Variants in MADD observed in about 807,000 individuals in gnomAD.
MADD encodes the protein MAP kinase activating death domain.
Under a neutral mutation model 176.7 loss-of-function variants are expected in MADD, and 109 were observed. The observed-to-expected ratio is 0.62, with a 90% CI of 0.53 to 0.72. The LOEUF is 0.72. Ranked by LOEUF, MADD falls within the 30% of genes least tolerant of loss-of-function variation. The pLI, the probability that MADD is intolerant of heterozygous loss-of-function variation, is 0.00. For missense variants in MADD, 1,914 were observed against 2,045.5 expected, an observed-to-expected ratio of 0.94 and a Z score of 1.24; for synonymous variants, 771 against 771.3, an observed-to-expected ratio of 1.00 and a Z score of 0.01.
In MADD at chr11:47,278,254, G is replaced by A; in HGVS notation, c.1185G>A (p.Trp395Ter). The stretch of plus-strand genomic sequence containing the variant: ...ACTTCAAAATGCCTGATGATGTATG[G>A]CTAGTGGATCTGGACAGCAATAGGG... The change falls in exon 6 of 33, where the codon TGG becomes TGA. Residue 395 changes from tryptophan to a stop codon, truncating the protein, a stop_gained. Coordinates refer to ENST00000402192, the Ensembl canonical transcript of MADD. LOFTEE classifies it high-confidence loss of function. 4 of 1,613,930 alleles carry A rather than the reference G, an allele frequency of 2.5e-6. No individual in the cohort carries two copies. The highest frequency in any genetic ancestry group is 3.4e-6 in the Non-Finnish European group (4 of 1,179,840).
Position 47,325,975 on chromosome 11 carries a change from G to A in MADD, c.4543-763G>A, listed in dbSNP as rs939264103. ...CCCCTATTCTGCCACACAGTGTTCAGTTGGAGTGGAGGAGGCAGCAGACCT... is the reference window on the plus strand; with the variant it reads ...CCCCTATTCTGCCACACAGTGTTCAATTGGAGTGGAGGAGGCAGCAGACCT... On this transcript the variant is annotated intron_variant, in intron 30 of 32. Transcript: ENST00000402192. The surrounding 1 kb of genome is among the most constrained non-coding windows in gnomAD (Gnocchi z 4.5). Among the ~76,000 whole-genome samples, 3 of 152,232 alleles carry A rather than the reference G, an allele frequency of 2.0e-5. No individual in the cohort carries two copies. Among genetic ancestry groups the A allele is most frequent in the Non-Finnish European group, 4.4e-5 (3 of 68,028 alleles).
chr11:47,317,608 G>A (rs1446650492), intron 27 of MADD, among the ~76,000 whole-genome samples: 1 of 152,050 alleles, frequency 6.6e-6, no homozygotes, highest in African/African-American at 2.4e-5. Context: ...AATACTTAAT[G>A]AGTGGTGCTA....
chr11:47,292,007 AG>A (rs1342469171), intron 19 of MADD, among the ~76,000 whole-genome samples: 1 of 152,150 alleles, frequency 6.6e-6, no homozygotes, highest in African/African-American at 2.4e-5. Context: ...AGCAATGAGG[AG>A]GGATGCTAAC....
At chr11:47,284,973 G>A in exon 13 of MADD, 4 of 1,613,930 alleles carry the variant, frequency 2.5e-6, no homozygotes, top group Non-Finnish European at 3.4e-6. Flanking sequence ...TGGATGATAA[G>A]GCAGCAGTAG....
Position 47,324,580 on chromosome 11 carries a change from A to T in MADD, c.4542+3A>T. 1 of 1,605,994 alleles carries T rather than the reference A, an allele frequency of 6.2e-7. No homozygotes were observed. ...ACCTCAAATTCATGCACAATCAGGT[A>T]GGTGCGAGCGGCAGCACGAGGCTCC... On this transcript the variant is annotated splice_donor_region_variant and intron_variant, in intron 30 of 32. Transcript: ENST00000402192.
chr11:47,316,389 T>C (rs1215252433), intron 27 of MADD, among the ~76,000 whole-genome samples: 2 of 137,494 alleles, frequency 1.5e-5, no homozygotes, highest in African/African-American at 5.5e-5. Flanking sequence ...CTTTTTCTTT[T>C]TTTTTTTTTT....
chr11:47,287,990 TG>T (rs777718172), intron 15 of MADD, among the ~76,000 whole-genome samples: 4 of 151,854 alleles, frequency 2.6e-5, no homozygotes, highest in Non-Finnish European at 4.4e-5. Context: ...GGTTTCACCG[TG>T]TTAGCCAGGA....
At chr11:47,271,805 C>T (rs948123004) in intron 1 of MADD, among the ~76,000 whole-genome samples, 1 of 151,538 alleles carries the variant, frequency 6.6e-6, no homozygotes, top group African/African-American at 2.4e-5. Flanking sequence ...TTACTCATAT[C>T]CCATTTCATT....
chr11:47,293,849 G>A, intron 19 of MADD, 34 bp from the exon 22 acceptor site: 1 of 1,411,952 alleles, frequency 7.1e-7, no homozygotes, highest in Non-Finnish European at 1.0e-6. Flanking sequence ...CCTAGCCTTT[G>A]TGCACGGAGT....
In MADD at chr11:47,325,748, C is replaced by G. The variant is rs868624114; in HGVS notation, c.4543-990C>G. Among the ~76,000 whole-genome samples, 2 of 152,240 alleles carry G rather than the reference C, an allele frequency of 1.3e-5. No homozygotes were observed. The highest frequency in any genetic ancestry group is 2.9e-5 in the Non-Finnish European group (2 of 68,042). On this transcript the variant is annotated intron_variant, in intron 30 of 32. Coordinates refer to ENST00000402192, the Ensembl canonical transcript of MADD. The surrounding 1 kb of genome is among the most constrained non-coding windows in gnomAD (Gnocchi z 4.5). ...TTCTGACCACATTTTAGCGCCGTGGCCTCTGAAGATGAGATCTTGCTGAGC... is the reference window on the plus strand; with the variant it reads ...TTCTGACCACATTTTAGCGCCGTGGGCTCTGAAGATGAGATCTTGCTGAGC...
At chr11:47,317,367 A>G (rs1565540218) in intron 27 of MADD, among the ~76,000 whole-genome samples, 1 of 152,160 alleles carries the variant, frequency 6.6e-6, no homozygotes, top group Non-Finnish European at 1.5e-5. Context: ...GGGACAATGC[A>G]TTTGTAATTT....
chr11:47,286,787 G>A (rs188789422), intron 15 of MADD, among the ~76,000 whole-genome samples: 3 of 152,306 alleles, frequency 2.0e-5, no homozygotes, highest in African/African-American at 4.8e-5. Context: ...TTCGCGGGAG[G>A]ACCCTGTCAG....
At chr11:47,319,990 C>CAAAAAA (rs11302029) in intron 27 of MADD, among the ~76,000 whole-genome samples, 2 of 67,878 alleles carry the variant, frequency 2.9e-5, no homozygotes, top group African/African-American at 6.0e-5. Context: ...GACTCCATCG[C>CAAAAAA]AAAAAAAAAA....
intron 7 of MADD, 26 bp downstream of exon 7, chr11:47,279,105 G>T (rs757724226): frequency 1.2e-6 from 2 of 1,605,888 alleles, no homozygotes; most frequent in South Asian, 2.2e-5. Context: ...AGGAAAGAAA[G>T]GGGAGTATTA....
intron 15 of MADD, among the ~76,000 whole-genome samples, chr11:47,287,712 ATT>A (rs1046977665): frequency 3.4e-4 from 49 of 144,618 alleles, no homozygotes; most frequent in African/African-American, 1.3e-3. Context: ...ACCTGGCCTG[ATT>A]TTTTTGTTTT....
intron 15 of MADD, chr11:47,289,000 A>C (rs772682319): frequency 6.3e-7 from 1 of 1,596,632 alleles, no homozygotes; most frequent in Non-Finnish European, 8.5e-7. Flanking sequence ...GGAGATTGTT[A>C]CTGAAGCCGG....
intron 27 of MADD, among the ~76,000 whole-genome samples, chr11:47,321,713 A>C (rs867015677): frequency 6.6e-6 from 1 of 152,308 alleles, no homozygotes; most frequent in African/African-American, 2.4e-5. Context: ...GTGGAAGAGC[A>C]GTCAGGGATA....
intron 15 of MADD, among the ~76,000 whole-genome samples, chr11:47,287,028 TA>T (rs2061162584): frequency 6.6e-6 from 1 of 152,174 alleles, no homozygotes; most frequent in African/African-American, 2.4e-5. Flanking sequence ...TAGGGGCAGT[TA>T]AAACCTTATG....
chr11:47,308,963 T>C lies in MADD; in HGVS notation c.3751+264T>C. 6.2e-7 allele frequency: 1 copy of C among 1,612,282 alleles called. No individual in the cohort carries two copies. ...CCTTTCTTGCTACCATGGTCCTTCC[T>C]GCTCTCAAATTGGCAGGAAGGGACA... On this transcript the variant is annotated intron_variant, in intron 23 of 32. Transcript: ENST00000402192.
Sources: allele counts gnomAD v4.1 joint callset (sites outside exome capture counted in the v4.1 genomes callset), GRCh38; gene constraint gnomAD v4.1.1; non-coding constraint Gnocchi (gnomAD v3.1); transcripts MANE v1.5; gene names NCBI Gene and HGNC (gene_info 2026-07-23, HGNC 2026-07-21).